The following KMT2C variants were observed in gnomAD, a reference collection of about 807,000 sequenced individuals.
KMT2C encodes the protein lysine methyltransferase 2C.
In KMT2C, 88 loss-of-function variants were observed where a neutral mutation model predicts 507.9. The ratio of observed to expected loss-of-function variants is 0.17; its 90% CI spans 0.15 to 0.21. The LOEUF (loss-of-function observed/expected upper bound fraction) is 0.21. Ranked by LOEUF, KMT2C falls within the 10% of genes least tolerant of loss-of-function variation. KMT2C has a pLI of 1.00. For synonymous variants in KMT2C, 2,049 were observed against 2,080.8 expected (o/e 0.98, Z 0.42); for missense variants, 4,954 against 5,957.8 (o/e 0.83, Z 5.55).
chr7:152,349,279 C>G (rs892566473), intron 2 of KMT2C, among the ~76,000 whole-genome samples: 2 of 151,952 alleles, frequency 1.3e-5, no homozygotes, highest in African/African-American at 4.8e-5. Context: ...AACCCCGTCT[C>G]TACTAAAAAT....
chr7:152,400,692 C>A (rs1281052536), intron 1 of KMT2C, among the ~76,000 whole-genome samples: 1 of 152,188 alleles, frequency 6.6e-6, no homozygotes, highest in African/African-American at 2.4e-5. Flanking sequence ...AACTTTATTT[C>A]TCACATATTC....
At chr7:152,300,782 G>A (rs1267117397) in intron 6 of KMT2C, among the ~76,000 whole-genome samples, 5 of 152,084 alleles carry the variant, frequency 3.3e-5, no homozygotes, top group African/African-American at 4.8e-5. Context: ...AGAGCTGGCC[G>A]GGCACAGTGG....
At chr7:152,355,437 CATA>C (rs988117573) in intron 2 of KMT2C, among the ~76,000 whole-genome samples, 1 of 151,834 alleles carries the variant, frequency 6.6e-6, no homozygotes, top group African/African-American at 2.4e-5. Context: ...ATTTAGATAA[CATA>C]ATAATAGCAC....
intron 1 of KMT2C, among the ~76,000 whole-genome samples, chr7:152,379,462 C>T (rs2097353274): frequency 1.3e-5 from 2 of 151,902 alleles, no homozygotes; most frequent in South Asian, 4.2e-4. Context: ...CGCCTGAACC[C>T]AGAAGGTGGA....
intron 23 of KMT2C, among the ~76,000 whole-genome samples, chr7:152,214,293 T>A (rs957616639): frequency 6.6e-6 from 1 of 152,120 alleles, no homozygotes; most frequent in African/African-American, 2.4e-5. Flanking sequence ...TTACTCCCAA[T>A]AGCCAAGATA....
At chr7:152,276,030 A>T (rs1280315712) in intron 6 of KMT2C, among the ~76,000 whole-genome samples, 1 of 152,230 alleles carries the variant, frequency 6.6e-6, no homozygotes, top group Non-Finnish European at 1.5e-5. Flanking sequence ...CATATCTGCA[A>T]TGAAAAATAT....
At chr7:152,174,308 C>A (rs2093098769) in intron 38 of KMT2C, 66 bp from the exon 39 acceptor site, 2 of 734,870 alleles carry the variant, frequency 2.7e-6, no homozygotes, top group Admixed American at 2.8e-5. Flanking sequence ...AGAAGTAATT[C>A]AAATATTACA....
At chr7:152,332,917 T>C (rs141182236) in intron 2 of KMT2C, among the ~76,000 whole-genome samples, 15 of 149,820 alleles carry the variant, frequency 1.0e-4, no homozygotes, top group East Asian at 4.0e-4. Context: ...ACACCACCAA[T>C]AGACCAACGG....
chr7:152,402,038 C>T (rs4997191), intron 1 of KMT2C, among the ~76,000 whole-genome samples: 5 of 150,276 alleles, frequency 3.3e-5, no homozygotes, highest in African/African-American at 1.2e-4. Context: ...TGAACCCGGG[C>T]GGCAGAGGTT....
At position 152,135,133 on chromosome 7, in the gene KMT2C, G is replaced by A. The variant is rs887740946; in HGVS notation, c.*1699C>T. ...TGTACAAGAGAAGAAAAATATTCAGGAAACAAATTTCATACAGCTATTTAT... is the reference window on the plus strand; with the variant it reads ...TGTACAAGAGAAGAAAAATATTCAGAAAACAAATTTCATACAGCTATTTAT... On this transcript the variant is annotated 3_prime_UTR_variant, in exon 59 of 59. Coordinates refer to ENST00000262189, the MANE Select transcript of KMT2C (RefSeq NM_170606.3). 1.8e-5 allele frequency: 4 copies of A among 225,418 alleles called. No homozygotes were observed. The highest frequency in any genetic ancestry group is 8.9e-5 in the African/African-American group (4 of 44,854). 14.0% of individuals were successfully genotyped at this position (225,418 alleles called of 1,614,324 possible). A position where few individuals can be genotyped will look rare whatever the true frequency, so the allele number is the denominator to read the frequency against.
chr7:152,192,489 C>T (rs2093829237), intron 31 of KMT2C, among the ~76,000 whole-genome samples: 1 of 151,086 alleles, frequency 6.6e-6, no homozygotes, highest in African/African-American at 2.4e-5. Context: ...TGCAGTGAGC[C>T]GAGATCACGC....
intron 1 of KMT2C, among the ~76,000 whole-genome samples, chr7:152,428,978 A>G (rs1442620494): frequency 6.6e-6 from 1 of 152,176 alleles, no homozygotes; most frequent in African/African-American, 2.4e-5. Flanking sequence ...ACCACTACAC[A>G]CAGCCTCTGT....
chr7:152,301,274 G>A (rs2096565632), intron 6 of KMT2C, among the ~76,000 whole-genome samples: 1 of 151,668 alleles, frequency 6.6e-6, no homozygotes, highest in South Asian at 2.1e-4. Context: ...GGAGGCCGAA[G>A]TGGGCAAATC....
chr7:152,156,178 T>G, intron 45 of KMT2C, 27 bp downstream of exon 45: 2 of 1,610,324 alleles, frequency 1.2e-6, no homozygotes, highest in Non-Finnish European at 1.7e-6. Context: ...TTCTCCGAGG[T>G]GTGAAATTTG....
intron 1 of KMT2C, among the ~76,000 whole-genome samples, chr7:152,391,543 C>CTTTT (rs71198782): frequency 0.039 from 3,745 of 95,822 alleles, 61 homozygotes; most frequent in African/African-American, 0.14. Flanking sequence ...CATGCCCGGC[C>CTTTT]TTTTTTTTTT....
intron 1 of KMT2C, among the ~76,000 whole-genome samples, chr7:152,409,687 C>T (rs371795918): frequency 1.3e-5 from 2 of 151,884 alleles, no homozygotes; most frequent in Non-Finnish European, 2.9e-5. Context: ...GCTGAGATCA[C>T]GCCACTGCAC....
intron 50 of KMT2C, 148 bp downstream of exon 50, chr7:152,151,294 A>T (rs1026775190): frequency 1.3e-6 from 1 of 777,744 alleles, no homozygotes; most frequent in Non-Finnish European, 2.0e-6. Context: ...CAGCCCAAGC[A>T]CATCTGATAT....
chr7:152,363,201 T>C lies in KMT2C; in HGVS notation c.162-4526A>G, dbSNP rs115588365. 7.8e-3 allele frequency among the ~76,000 whole-genome samples: 1,184 copies of C among 152,358 alleles called. 20 individuals carry two copies. The highest frequency in any genetic ancestry group is 0.027 in the African/African-American group (1,143 of 41,572). On this transcript the variant is annotated intron_variant, in intron 1 of 58. Transcript: ENST00000262189. ...TTTTTAAGGAAAGTTTGAAGTCTAA[T>C]TACAAATGACAACATGAAGATTATT...
At chr7:152,300,939 T>C (rs1207270724) in intron 6 of KMT2C, among the ~76,000 whole-genome samples, 1 of 151,960 alleles carries the variant, frequency 6.6e-6, no homozygotes, top group Non-Finnish European at 1.5e-5. Context: ...ACATCTGTAG[T>C]CCCAGCTACT....
Sources: allele counts gnomAD v4.1 joint callset (sites outside exome capture counted in the v4.1 genomes callset), GRCh38; gene constraint gnomAD v4.1.1; transcripts MANE v1.5; gene names NCBI Gene and HGNC (gene_info 2026-07-23, HGNC 2026-07-21).